Variants in PKHD1 observed in about 807,000 individuals in gnomAD.
PKHD1 encodes fibrocystin.
In PKHD1, 291 loss-of-function variants were observed where a neutral mutation model predicts 412.0. The ratio of observed to expected loss-of-function variants is 0.71; its 90% CI spans 0.64 to 0.78. The LOEUF (loss-of-function observed/expected upper bound fraction) is 0.78, where lower values mean the gene tolerates loss of function less well. PKHD1 is among the 30% of genes least tolerant of loss of function. PKHD1 has a pLI of 0.00. For missense variants in PKHD1, 4,825 were observed against 4,950.7 expected (o/e 0.97, Z 0.76); for synonymous variants, 1,777 against 1,821.5 (o/e 0.98, Z 0.62).
Position 51,649,033 on chromosome 6 carries a change from T to C in PKHD1, c.11310+52A>G, listed in dbSNP as rs1009643916. The C allele has an allele frequency of 3.2e-5, 49 of 1,551,578 alleles. No individual in the cohort carries two copies. In the Admixed American group the frequency reaches 7.0e-4, roughly 22 times the overall value. On this transcript the variant is annotated intron_variant, in intron 62 of 66. Coordinates refer to ENST00000371117, the MANE Select transcript of PKHD1 (RefSeq NM_138694.4). ...GACACACTCTAAAAGATAGGCTGAATGCTACATGCTACTTAGCTCTAAAGA... is the reference window on the plus strand; with the variant it reads ...GACACACTCTAAAAGATAGGCTGAACGCTACATGCTACTTAGCTCTAAAGA...
At chr6:52,063,676 C>T (rs780090304) in intron 13 of PKHD1, among the ~76,000 whole-genome samples, 1 of 152,204 alleles carries the variant, frequency 6.6e-6, no homozygotes, top group Non-Finnish European at 1.5e-5. Context: ...TGTCTAGCAG[C>T]CTTCCCAGCC....
intron 35 of PKHD1, among the ~76,000 whole-genome samples, chr6:51,978,575 G>A (rs1477984377): frequency 6.6e-6 from 1 of 152,128 alleles, no homozygotes; most frequent in Non-Finnish European, 1.5e-5. Context: ...GAAGTTTGGG[G>A]TTCTTTATTT....
At chr6:52,006,030 T>C (rs941100525) in intron 35 of PKHD1, among the ~76,000 whole-genome samples, 1 of 150,338 alleles carries the variant, frequency 6.7e-6, no homozygotes, top group Non-Finnish European at 1.5e-5. Context: ...GAGGAAGCAA[T>C]GGAAAGAAAC....
At chr6:51,998,178 T>C (rs1016694381) in intron 35 of PKHD1, among the ~76,000 whole-genome samples, 2 of 152,126 alleles carry the variant, frequency 1.3e-5, no homozygotes, top group African/African-American at 4.8e-5. Flanking sequence ...CCCCCATATG[T>C]TGAGGACGTA....
intron 52 of PKHD1, among the ~76,000 whole-genome samples, chr6:51,820,904 T>C (rs1317519146): frequency 2.0e-5 from 3 of 152,194 alleles, no homozygotes; most frequent in Admixed American, 2.0e-4. Flanking sequence ...AAATCATGAA[T>C]TATTTAATTT....
At chr6:51,835,280 G>C (rs1162991942) in intron 51 of PKHD1, among the ~76,000 whole-genome samples, 1 of 152,154 alleles carries the variant, frequency 6.6e-6, no homozygotes, top group East Asian at 1.9e-4. Context: ...AAGGGGGCCT[G>C]GCATGAGAGC....
chr6:51,864,753 A>G (rs1261273193), intron 48 of PKHD1, among the ~76,000 whole-genome samples: 3 of 152,210 alleles, frequency 2.0e-5, no homozygotes, highest in African/African-American at 7.2e-5. Flanking sequence ...TTATTTCAAC[A>G]TGATCAATAT....
chr6:52,020,914 G>GA (rs67254109), intron 33 of PKHD1, among the ~76,000 whole-genome samples: 1 of 149,296 alleles, frequency 6.7e-6, no homozygotes, highest in African/African-American at 2.5e-5. Flanking sequence ...ACTTCCTAGG[G>GA]AAAAAAAAAA....
chr6:51,994,159 C>G lies in PKHD1; in HGVS notation c.5751+16150G>C, dbSNP rs11755772. On this transcript the variant is annotated intron_variant, in intron 35 of 66. Coordinates refer to ENST00000371117, the MANE Select transcript of PKHD1 (RefSeq NM_138694.4). ...CTTTCTTTTTTTTTTTTTTGAGACA[C>G]AGTCTCGCTCTTTCGCCCAGGCCGG... is the stretch of plus-strand genomic sequence containing the variant. 6.3e-3 allele frequency among the ~76,000 whole-genome samples: 939 copies of G among 147,888 alleles called. 16 individuals are homozygous for G. Among genetic ancestry groups the G allele is most frequent in the African/African-American group, 0.022 (870 of 40,442 alleles).
At chr6:51,744,581 A>G (rs1421728045) in intron 59 of PKHD1, 39 bp from the exon 60 acceptor site, 1 of 1,539,164 alleles carries the variant, frequency 6.5e-7, no homozygotes, top group Admixed American at 1.7e-5. Context: ...TCATTTCATG[A>G]TAAGCAGCAA....
At chr6:51,949,476 G>A (rs562862110) in intron 36 of PKHD1, among the ~76,000 whole-genome samples, 21 of 152,272 alleles carry the variant, frequency 1.4e-4, no homozygotes, top group Admixed American at 1.4e-3. Context: ...GGAAAGAGGA[G>A]CATTTAGAGA....
At chr6:51,663,863 C>T (rs2150442879) in intron 60 of PKHD1, among the ~76,000 whole-genome samples, 1 of 152,176 alleles carries the variant, frequency 6.6e-6, no homozygotes, top group South Asian at 2.1e-4. Flanking sequence ...TTATGGCTGA[C>T]TATACTTTTA....
At chr6:51,697,962 T>C (rs1778994610) in intron 60 of PKHD1, among the ~76,000 whole-genome samples, 1 of 152,142 alleles carries the variant, frequency 6.6e-6, no homozygotes, top group Non-Finnish European at 1.5e-5. Flanking sequence ...AACAAATACC[T>C]AGGAGATAGG....
intron 27 of PKHD1, among the ~76,000 whole-genome samples, chr6:52,041,289 T>G (rs1804838574): frequency 6.6e-6 from 1 of 152,232 alleles, no homozygotes; most frequent in Admixed American, 6.5e-5. Flanking sequence ...TTTCTCAAAC[T>G]GTACTCTTCA....
At chr6:51,653,357 G>GT (rs992483475) in intron 61 of PKHD1, among the ~76,000 whole-genome samples, 2 of 152,022 alleles carry the variant, frequency 1.3e-5, no homozygotes, top group Admixed American at 6.6e-5. Flanking sequence ...TGATCTGACG[G>GT]TTTTTTTCTG....
chr6:51,896,244 C>A lies in PKHD1; in HGVS notation c.6996+7353G>T, dbSNP rs182651598. ...ACAGACAAACAGACAACAGTAACCT[C>A]TGCAGACTTAAATGTCCCTGTCTGA... is the stretch of plus-strand genomic sequence containing the variant. On this transcript the variant is annotated intron_variant, in intron 43 of 66. Transcript: ENST00000371117. 8.2e-3 allele frequency among the ~76,000 whole-genome samples: 1,242 copies of A among 152,124 alleles called. 13 individuals are homozygous for A. The highest frequency in any genetic ancestry group is 0.024 in the Middle Eastern group (7 of 294).
At chr6:51,709,894 T>C (rs2150753099) in intron 60 of PKHD1, among the ~76,000 whole-genome samples, 1 of 150,338 alleles carries the variant, frequency 6.7e-6, no homozygotes, top group Middle Eastern at 3.4e-3. Flanking sequence ...ATATTCTAGC[T>C]AGTCAATGTG....
intron 49 of PKHD1, among the ~76,000 whole-genome samples, chr6:51,850,582 G>A (rs895658215): frequency 2.0e-5 from 3 of 152,114 alleles, no homozygotes; most frequent in African/African-American, 7.2e-5. Flanking sequence ...GCAGTGGTTT[G>A]TAGTTCTCCT....
At chr6:51,971,693 G>A (rs1301078762) in intron 35 of PKHD1, among the ~76,000 whole-genome samples, 2 of 143,110 alleles carry the variant, frequency 1.4e-5, no homozygotes, top group Non-Finnish European at 3.1e-5. Context: ...TGTTTTTTGG[G>A]TTGGTTTTTT....
Sources: allele counts gnomAD v4.1 joint callset (sites outside exome capture counted in the v4.1 genomes callset), GRCh38; gene constraint gnomAD v4.1.1; transcripts MANE v1.5; gene names NCBI Gene and HGNC (gene_info 2026-07-23, HGNC 2026-07-21).